Variants in ADSS2 observed in about 807,000 individuals in gnomAD.
The protein encoded by ADSS2 is adenylosuccinate synthase 2.
ADSS2 carries 30 observed loss-of-function variants against 60.0 expected under a neutral mutation model. The observed-to-expected ratio is 0.50, with a 90% CI of 0.37 to 0.68. The LOEUF is 0.68. Among genes scored for constraint, ADSS2 ranks in the 30% least tolerant of loss-of-function variants. ADSS2 has a pLI of 0.00. For synonymous variants in ADSS2, 187 were observed against 193.1 expected, an observed-to-expected ratio of 0.97 and a Z score of 0.26; for missense variants, 373 against 554.8, an observed-to-expected ratio of 0.67 and a Z score of 3.29.
chr1:244,409,342 G>T lies in ADSS2; in HGVS notation c.*244C>A. The T allele has an allele frequency of 1.9e-5, 6 of 315,268 alleles. No individual in the cohort carries two copies. The highest frequency in any genetic ancestry group is 5.3e-5 in the East Asian group (1 of 18,776). 19.5% of individuals were successfully genotyped at this position (315,268 alleles called of 1,614,324 possible). ...ATTACTAAACATTGAAAAAAAAAACGTGGCACCATGAGAGCAGCAGGAGCA... is the reference window on the plus strand; with the variant it reads ...ATTACTAAACATTGAAAAAAAAAACTTGGCACCATGAGAGCAGCAGGAGCA... On this transcript the variant is annotated 3_prime_UTR_variant, in exon 13 of 13. Coordinates refer to ENST00000366535, the MANE Select transcript of ADSS2 (RefSeq NM_001126.5).
chr1:244,437,010 G>T, intron 2 of ADSS2, 117 bp from the exon 3 acceptor site: 1 of 780,382 alleles, frequency 1.3e-6, no homozygotes, highest in Non-Finnish European at 2.1e-6. Flanking sequence ...GTTTTACACA[G>T]GAGTATAATT....
chr1:244,417,861 C>T, intron 9 of ADSS2, 109 bp from the exon 10 acceptor site: 1 of 1,007,980 alleles, frequency 9.9e-7, no homozygotes, highest in Non-Finnish European at 1.4e-6. Flanking sequence ...AAACATCTTT[C>T]AGGTAATAAC....
chr1:244,435,688 T>G (rs1665082239), intron 3 of ADSS2, among the ~76,000 whole-genome samples: 1 of 152,060 alleles, frequency 6.6e-6, no homozygotes, highest in African/African-American at 2.4e-5. Context: ...TCTGTGGTTG[T>G]TTACCAACAC....
intron 3 of ADSS2, among the ~76,000 whole-genome samples, chr1:244,435,188 AAAAAAAAAAC>A (rs1370900661): frequency 7.3e-5 from 11 of 150,068 alleles, no homozygotes; most frequent in African/African-American, 2.7e-4. Flanking sequence ...AAAAAAAAAA[AAAAAAAAAAC>A]AAACCTGAAC....
chr1:244,409,709 G>T lies in ADSS2; in HGVS notation c.1319-71C>A, dbSNP rs1664368192. On this transcript the variant is annotated intron_variant, in intron 12 of 12. Coordinates refer to ENST00000366535, the MANE Select transcript of ADSS2 (RefSeq NM_001126.5). ...ATGTTCACTCGTTGGGATTAAAACA[G>T]GTAGTCCCCTACTTTTCTCAGTATC... 3.3e-6 allele frequency: 4 copies of T among 1,195,674 alleles called. No homozygotes were observed. The East Asian group carries it at 9.4e-5, about 28-fold the overall frequency. 74.1% of individuals were successfully genotyped at this position (1,195,674 alleles called of 1,614,324 possible). A position where few individuals can be genotyped will look rare whatever the true frequency, so the allele number is the denominator to read the frequency against.
At position 244,435,194 on chromosome 1, in the gene ADSS2, A is replaced by AAAAAAAAAAAAAAAAAAAAAAAAAAAC. The variant is rs1553308065; in HGVS notation, c.355+1630_355+1631insGTTTTTTTTTTTTTTTTTTTTTTTTTT. ...AAAAAAAAAAAAAAAAAAAAAAAAA[A>AAAAAAAAAAAAAAAAAAAAAAAAAAAC]AAACAAACCTGAACATACTATAACA... On this transcript the variant is annotated intron_variant, in intron 3 of 12. Transcript: ENST00000366535. 1.3e-4 allele frequency among the ~76,000 whole-genome samples: 17 copies of AAAAAAAAAAAAAAAAAAAAAAAAAAAC among 127,898 alleles called. 1 individual carries two copies. The highest frequency in any genetic ancestry group is 5.1e-4 in the African/African-American group (16 of 31,132). The allele number at this position is 127,898 out of a possible 152,430, so 83.9% of individuals were successfully genotyped here.
At position 244,420,144 on chromosome 1, in the gene ADSS2, TTAACTA is replaced by T; in HGVS notation, c.790+20_790+25del. 6.2e-7 allele frequency: 1 copy of T among 1,605,774 alleles called. No homozygotes were observed. The highest frequency in any genetic ancestry group is 8.5e-7 in the Non-Finnish European group (1 of 1,175,254). ...CTACTTAGGGCTCAGTTAAGCTCCC[TTAACTA>T]TAAGTCATATCTCACTTACCAAAAT... On this transcript the variant is annotated intron_variant, in intron 8 of 12. Transcript: ENST00000366535.
rs1240622026 is a variant in ADSS2, at chr1:244,436,748, G to A, written c.355+77C>T. 12 of 1,258,122 alleles carry A rather than the reference G, an allele frequency of 9.5e-6. 1 individual carries two copies. The highest frequency in any genetic ancestry group is 2.0e-5 in the Admixed American group (1 of 51,188). 77.9% of individuals were successfully genotyped at this position (1,258,122 alleles called of 1,614,324 possible). On this transcript the variant is annotated intron_variant, in intron 3 of 12. Transcript: ENST00000366535. ...AAATTTTAAAGCATAAGACAAACAT[G>A]TTGTTCGTCTGGCATAAGATCCTAA...
intron 1 of ADSS2, among the ~76,000 whole-genome samples, chr1:244,438,362 A>G (rs1665153564): frequency 6.6e-6 from 1 of 152,182 alleles, no homozygotes; most frequent in African/African-American, 2.4e-5. Context: ...GAACCTGCTC[A>G]TCTCTGGATA....
chr1:244,448,271 A>G (rs1665443841), intron 1 of ADSS2, among the ~76,000 whole-genome samples: 1 of 152,158 alleles, frequency 6.6e-6, no homozygotes, highest in African/African-American at 2.4e-5. Context: ...AGAAAGTTTT[A>G]GTTTGCTGCT....
chr1:244,451,686 C>A lies in ADSS2; in HGVS notation c.132G>T (p.Gly44=). 1 of 1,612,694 alleles carries A rather than the reference C, an allele frequency of 6.2e-7. No homozygotes were observed. The highest frequency in any genetic ancestry group is 8.5e-7 in the Non-Finnish European group (1 of 1,179,416). The change falls in exon 1 of 13, where the codon GGG becomes GGT. Residue 44 remains glycine (G), a synonymous_variant. Coordinates refer to ENST00000366535, the MANE Select transcript of ADSS2 (RefSeq NM_001126.5). The surrounding 1 kb of genome is among the most constrained non-coding windows in gnomAD (Gnocchi z 6.6). ...CCTGCGCCAGCAGGTCCACCACCTT[C>A]CCTTTGCCTTCGTCGCCCCACTGCG... The part of the protein sequence containing the change: ...LGAQWGDEGK[G]KVVDLLAQDA...
chr1:244,423,852 C>T, intron 6 of ADSS2, 101 bp downstream of exon 6: 1 of 836,154 alleles, frequency 1.2e-6, no homozygotes, highest in Non-Finnish European at 1.8e-6. Flanking sequence ...CCAACCACCA[C>T]TATTTAACTA....
At chr1:244,429,854 C>A (rs1664893168) in intron 4 of ADSS2, among the ~76,000 whole-genome samples, 1 of 151,974 alleles carries the variant, frequency 6.6e-6, no homozygotes, top group African/African-American at 2.4e-5. Context: ...TGCACTCCCG[C>A]CTGGGTGACA....
intron 4 of ADSS2, among the ~76,000 whole-genome samples, chr1:244,426,703 A>C (rs1284831211): frequency 6.6e-6 from 1 of 152,008 alleles, no homozygotes; most frequent in Non-Finnish European, 1.5e-5. Flanking sequence ...TTGCTTTCTC[A>C]CATCTCCCTG....
At chr1:244,440,630 A>T (rs944790119) in intron 1 of ADSS2, among the ~76,000 whole-genome samples, 1 of 152,230 alleles carries the variant, frequency 6.6e-6, no homozygotes, top group East Asian at 1.9e-4. Flanking sequence ...AGAACTATGC[A>T]CAGTAAAATG....
At chr1:244,449,561 T>C (rs1665480252) in intron 1 of ADSS2, among the ~76,000 whole-genome samples, 1 of 152,230 alleles carries the variant, frequency 6.6e-6, no homozygotes. Context: ...GCCAGCTTAC[T>C]AGGGCTAACC....
Position 244,409,570 on chromosome 1 carries a change from G to A in ADSS2, c.*16C>T. 1.3e-6 allele frequency: 2 copies of A among 1,593,392 alleles called. No individual in the cohort carries two copies. The highest frequency in any genetic ancestry group is 1.7e-6 in the Non-Finnish European group (2 of 1,162,252). ...CCCTCCCTCTCAAGGAGTGTTTCTT[G>A]CATTACTGGCAATCATTAAAAGAGT... On this transcript the variant is annotated 3_prime_UTR_variant, in exon 13 of 13. Transcript: ENST00000366535.
chr1:244,419,337 T>G (rs1302486589), intron 8 of ADSS2: 1 of 153,238 alleles, frequency 6.5e-6, no homozygotes, highest in African/African-American at 2.4e-5. Context: ...TTTTGTAGGA[T>G]TCAACATTTC....
chr1:244,451,495 AG>A lies in ADSS2; in HGVS notation c.183+139del, dbSNP rs1665598965. On this transcript the variant is annotated intron_variant, in intron 1 of 12. Transcript: ENST00000366535. This position sits in a 1 kb window ranked among gnomAD's most constrained non-coding sequence, Gnocchi z 6.6. Reference sequence around the variant, plus strand: ...CCATTTCTCCACGTAGCCGCAGCTCAGGACAGGAGGAGAGAGCCTCAAGGTG... The same window carrying A: ...CCATTTCTCCACGTAGCCGCAGCTCAGACAGGAGGAGAGAGCCTCAAGGTG... 1 of 932,162 alleles carries A rather than the reference AG, an allele frequency of 1.1e-6. No individual in the cohort carries two copies. The highest frequency in any genetic ancestry group is 1.5e-6 in the Non-Finnish European group (1 of 647,166). The allele number at this position is 932,162 out of a possible 1,614,324, so 57.7% of individuals were successfully genotyped here. A position where few individuals can be genotyped will look rare whatever the true frequency, so the allele number is the denominator to read the frequency against.
Sources: allele counts gnomAD v4.1 joint callset (sites outside exome capture counted in the v4.1 genomes callset), GRCh38; gene constraint gnomAD v4.1.1; non-coding constraint Gnocchi (gnomAD v3.1); transcripts MANE v1.5; gene names NCBI Gene and HGNC (gene_info 2026-07-23, HGNC 2026-07-21).